The following CA5A variants were observed in gnomAD, a reference collection of about 807,000 sequenced individuals.
CA5A encodes the protein carbonic anhydrase 5A, also known as carbonic anhydrase 5A, mitochondrial.
Under a neutral mutation model 37.1 loss-of-function variants are expected in CA5A, and 28 were observed. The observed-to-expected ratio is 0.75, with a 90% confidence interval of 0.56 to 1.03. The LOEUF (loss-of-function observed/expected upper bound fraction) is 1.03. Among genes scored for constraint, CA5A ranks in the 50% least tolerant of loss-of-function variants. CA5A has a pLI of 0.00. For synonymous variants in CA5A, 171 were observed against 158.4 expected, an observed-to-expected ratio of 1.08 and a Z score of -0.60; for missense variants, 444 against 399.9, an observed-to-expected ratio of 1.11 and a Z score of -0.94.
chr16:87,920,662 G>A (rs2056217765), intron 2 of CA5A, among the ~76,000 whole-genome samples: 2 of 151,880 alleles, frequency 1.3e-5, no homozygotes, highest in African/African-American at 4.8e-5. Flanking sequence ...TTGTTGCCCA[G>A]GCTGGAGTGC....
At chr16:87,909,329 G>A in intron 2 of CA5A, among the ~76,000 whole-genome samples, 1 of 152,154 alleles carries the variant, frequency 6.6e-6, no homozygotes, top group East Asian at 1.9e-4. Context: ...TGCTTGAAAC[G>A]GCGGCCACCC....
chr16:87,904,864 C>T lies in CA5A; in HGVS notation c.381G>A (p.Lys127=). 5.0e-6 allele frequency: 8 copies of T among 1,613,298 alleles called. No individual in the cohort carries two copies. Among genetic ancestry groups the T allele is most frequent in the Non-Finnish European group, 6.8e-6 (8 of 1,179,246 alleles). ...CTGCTCCCCAGTGGAAGTGAAATTGCTTCAGTCTGTAGTGGTTTTCCAAGG... is the reference window on the plus strand; with the variant it reads ...CTGCTCCCCAGTGGAAGTGAAATTGTTTCAGTCTGTAGTGGTTTTCCAAGG... The part of the protein sequence containing the change: ...GGPLENHYRL[K]QFHFHWGAVN... The change falls in exon 3 of 7, where the codon AAG becomes AAA. Residue 127 remains lysine (K), a synonymous_variant. Coordinates refer to ENST00000649794, the MANE Select transcript of CA5A (RefSeq NM_001739.2).
At chr16:87,899,599 A>G (rs534037060) in intron 5 of CA5A, among the ~76,000 whole-genome samples, 5 of 149,066 alleles carry the variant, frequency 3.4e-5, no homozygotes, top group South Asian at 2.2e-4. Context: ...CACCGCACCC[A>G]GCCTCTTAAG....
intron 5 of CA5A, among the ~76,000 whole-genome samples, chr16:87,897,234 C>T (rs1390429371): frequency 6.6e-6 from 1 of 152,252 alleles, no homozygotes; most frequent in Admixed American, 6.5e-5. Context: ...GCCAATTCCC[C>T]GGTAGCTCTG....
At chr16:87,897,101 G>A (rs112791842) in intron 5 of CA5A, among the ~76,000 whole-genome samples, 5,411 of 152,326 alleles carry the variant, frequency 0.036, 321 homozygotes, top group African/African-American at 0.12. Context: ...TGCCTGCCAC[G>A]TGGGCGTGGG....
At chr16:87,917,369 C>T (rs538248849) in intron 2 of CA5A, among the ~76,000 whole-genome samples, 5 of 152,296 alleles carry the variant, frequency 3.3e-5, no homozygotes, top group Middle Eastern at 3.4e-3. Context: ...TGAGCAAGAA[C>T]AGGAACAGTG....
At chr16:87,899,588 C>T (rs185130323) in intron 5 of CA5A, among the ~76,000 whole-genome samples, 2 of 150,510 alleles carry the variant, frequency 1.3e-5, no homozygotes, top group African/African-American at 2.4e-5. Context: ...CAGGCGTGAG[C>T]CACCGCACCC....
At chr16:87,903,759 A>T (rs1421703036) in intron 3 of CA5A, among the ~76,000 whole-genome samples, 1 of 152,224 alleles carries the variant, frequency 6.6e-6, no homozygotes, top group African/African-American at 2.4e-5. Context: ...AAGAGTCCTC[A>T]GCTTGAAAAA....
intron 2 of CA5A, among the ~76,000 whole-genome samples, chr16:87,909,548 A>T (rs1318482328): frequency 3.3e-5 from 5 of 152,224 alleles, no homozygotes; most frequent in African/African-American, 1.2e-4. Flanking sequence ...CCCTGGTGGC[A>T]GTTCGGTGAA....
intron 2 of CA5A, chr16:87,923,572 C>T: frequency 1.0e-6 from 1 of 985,434 alleles, no homozygotes; most frequent in African/African-American, 1.7e-5. Context: ...CCCCTGTTCC[C>T]CACTGCATGA....
intron 2 of CA5A, among the ~76,000 whole-genome samples, chr16:87,906,013 G>A (rs961834624): frequency 6.6e-5 from 10 of 152,254 alleles, no homozygotes; most frequent in Non-Finnish European, 2.9e-5. Context: ...CTCCCCAGGG[G>A]TTCGGATGTG....
intron 2 of CA5A, chr16:87,925,519 A>G (rs982664223): frequency 1.4e-4 from 22 of 152,370 alleles, no homozygotes; most frequent in African/African-American, 5.3e-4. Context: ...CACGTGGCCC[A>G]ATTCCAGACT....
chr16:87,924,076 G>T (rs1567534188), intron 2 of CA5A: 1 of 985,298 alleles, frequency 1.0e-6, no homozygotes. Context: ...ATAAATGAAT[G>T]CAAAAATCCC....
chr16:87,911,220 G>A lies in CA5A; in HGVS notation c.341-6316C>T, dbSNP rs2056047181. Among the ~76,000 whole-genome samples, 1 of 151,960 alleles carries A rather than the reference G, an allele frequency of 6.6e-6. No homozygotes were observed. Among genetic ancestry groups the A allele is most frequent in the Non-Finnish European group, 1.5e-5 (1 of 68,034 alleles). ...GGTCCACCGGGCAGCACTGGCCACT[G>A]TTGCCTCAGCGTTCTGTGTAAGCAG... On this transcript the variant is annotated intron_variant, in intron 2 of 6. Coordinates refer to ENST00000649794, the MANE Select transcript of CA5A (RefSeq NM_001739.2). This position sits in a 1 kb window ranked among gnomAD's most constrained non-coding sequence, Gnocchi z 4.6.
chr16:87,885,838 T>C (rs925828859), downstream of CA5A: 4 of 152,304 alleles, frequency 2.6e-5, no homozygotes, highest in Non-Finnish European at 5.9e-5. Flanking sequence ...CCATGTCCTC[T>C]TCCTGTGACT....
chr16:87,900,591 G>C (rs921217605), intron 5 of CA5A, among the ~76,000 whole-genome samples: 1 of 152,222 alleles, frequency 6.6e-6, no homozygotes, highest in African/African-American at 2.4e-5. Context: ...CATTTCTTTG[G>C]AATTTCTCCT....
chr16:87,896,652 G>C (rs56768079), intron 5 of CA5A, among the ~76,000 whole-genome samples: 1 of 152,104 alleles, frequency 6.6e-6, no homozygotes, highest in East Asian at 1.9e-4. Flanking sequence ...TTTATTTATT[G>C]TTTTTGAGAC....
Position 87,926,778 on chromosome 16 carries a change from C to T in CA5A, c.310G>A (p.Val104Met), listed in dbSNP as rs1478806946. The T allele has an allele frequency of 1.2e-6, 2 of 1,614,056 alleles. No individual in the cohort carries two copies. The highest frequency in any genetic ancestry group is 1.7e-6 in the Non-Finnish European group (2 of 1,179,940). The change falls in exon 2 of 7, where the codon GTG (valine) becomes ATG (methionine). Residue 104 changes from valine to methionine, a missense_variant. Coordinates refer to ENST00000649794, the MANE Select transcript of CA5A (RefSeq NM_001739.2). ...GCCTCGGTGGCATCGTCAAATTCCA[C>T]CTGGAAGAGGTAGCCAGTGTTCCAG... is the stretch of plus-strand genomic sequence containing the variant. ...YIWNTGYLFQ[V>M]EFDDATEASG... is the part of the protein sequence containing the mutation.
chr16:87,924,885 G>A (rs2056282799), intron 2 of CA5A, among the ~76,000 whole-genome samples: 1 of 152,236 alleles, frequency 6.6e-6, no homozygotes, highest in Non-Finnish European at 1.5e-5. Flanking sequence ...GGTGCTGAGT[G>A]CCGGCCTGGG....
Sources: allele counts gnomAD v4.1 joint callset (sites outside exome capture counted in the v4.1 genomes callset), GRCh38; gene constraint gnomAD v4.1.1; non-coding constraint Gnocchi (gnomAD v3.1); transcripts MANE v1.5; gene names NCBI Gene and HGNC (gene_info 2026-07-23, HGNC 2026-07-21).